MTBP: variants seen among roughly 807,000 people sequenced by gnomAD.
MTBP encodes the protein MDM2 binding protein.
In MTBP, 101 loss-of-function variants were observed where a neutral mutation model predicts 117.0. The ratio of observed to expected loss-of-function variants is 0.86; its 90% confidence interval spans 0.73 to 1.02. The LOEUF (loss-of-function observed/expected upper bound fraction) is 1.02. Among genes scored for constraint, MTBP ranks in the 50% least tolerant of loss-of-function variants. The pLI is 0.00. For missense variants in MTBP, 970 were observed against 1,030.9 expected (o/e 0.94, Z 0.81); for synonymous variants, 350 against 351.5 (o/e 1.00, Z 0.05).
At chr8:120,460,433 A>G (rs1813558875) in intron 8 of MTBP, among the ~76,000 whole-genome samples, 2 of 152,144 alleles carry the variant, frequency 1.3e-5, no homozygotes, top group Admixed American at 1.3e-4. Flanking sequence ...TTAATCATGT[A>G]TGGTGAAATT....
intron 8 of MTBP, 30 bp downstream of exon 8, chr8:120,459,379 AT>A: frequency 6.3e-7 from 1 of 1,575,560 alleles, no homozygotes; most frequent in Non-Finnish European, 8.6e-7. Context: ...TTGTGTGATC[AT>A]TCATGTGTAT....
At chr8:120,494,541 T>A (rs1253118440) in intron 13 of MTBP, among the ~76,000 whole-genome samples, 1 of 152,172 alleles carries the variant, frequency 6.6e-6, no homozygotes, top group Non-Finnish European at 1.5e-5. Flanking sequence ...CCTATACAAA[T>A]AATGTACGTA....
At chr8:120,462,101 T>G (rs1813592867) in intron 9 of MTBP, among the ~76,000 whole-genome samples, 1 of 152,150 alleles carries the variant, frequency 6.6e-6, no homozygotes, top group South Asian at 2.1e-4. Flanking sequence ...GAGAGCCTTT[T>G]CAGATTAATC....
Position 120,445,525 on chromosome 8 carries a change from G to T in MTBP, c.55G>T (p.Ala19Ser). The T allele has an allele frequency of 6.2e-7, 1 of 1,613,726 alleles. No individual in the cohort carries two copies. The highest frequency in any genetic ancestry group is 8.5e-7 in the Non-Finnish European group (1 of 1,179,832). Residue 19 changes from alanine to serine, a missense_variant, in exon 1 of 22, where the codon GCC becomes TCC. Physicochemically the swap from Ala to Ser is moderately conservative, Grantham distance 99. Coordinates refer to ENST00000305949, the MANE Select transcript of MTBP (RefSeq NM_022045.5). The part of the protein sequence containing the change: ...IWGEGKFPSA[A>S]SREAEHGPEV... ...GGGGGAAGGAAAATTCCCGTCGGCG[G>T]CCAGTAGGGAGGCAGAACATGGGCC...
At chr8:120,515,725 A>G (rs1240620048) in intron 17 of MTBP, among the ~76,000 whole-genome samples, 200 bp from the exon 18 acceptor site, 1 of 152,000 alleles carries the variant, frequency 6.6e-6, no homozygotes, top group Admixed American at 6.6e-5. Context: ...GACATTTTTT[A>G]ATCTTTTGCC....
chr8:120,506,665 G>C, intron 15 of MTBP, 41 bp from the exon 16 acceptor site: 1 of 1,330,920 alleles, frequency 7.5e-7, no homozygotes, highest in Non-Finnish European at 1.0e-6. Context: ...TCTCTGGATT[G>C]AATCCACTTT....
chr8:120,479,773 T>C (rs1205928887), intron 11 of MTBP, among the ~76,000 whole-genome samples: 2 of 151,948 alleles, frequency 1.3e-5, no homozygotes, highest in Non-Finnish European at 2.9e-5. Flanking sequence ...AAAAGGAAAT[T>C]ACAAAATAGT....
intron 9 of MTBP, among the ~76,000 whole-genome samples, chr8:120,462,051 G>T (rs1813591499): frequency 6.6e-6 from 1 of 152,056 alleles, no homozygotes; most frequent in African/African-American, 2.4e-5. Context: ...TGGTTTTTTG[G>T]CTTGGGGGTG....
At chr8:120,480,330 A>G (rs1314549636) in intron 11 of MTBP, among the ~76,000 whole-genome samples, 1 of 152,128 alleles carries the variant, frequency 6.6e-6, no homozygotes, top group Admixed American at 6.5e-5. Context: ...GAATCGTTTG[A>G]ACCTGGGAGG....
At position 120,470,907 on chromosome 8, in the gene MTBP, T is replaced by A. The variant is rs755751582; in HGVS notation, c.1135T>A (p.Tyr379Asn). Residue 379 changes from tyrosine to asparagine, a missense_variant, in exon 11 of 22, where the codon TAT (tyrosine) becomes AAT (asparagine). Tyr to Asn is a moderately radical substitution (Grantham distance 143). Coordinates refer to ENST00000305949, the MANE Select transcript of MTBP (RefSeq NM_022045.5). ...NQLSSRKWKE[Y>N]IAKKPKTISV... ...ACTCAGTTCAAGAAAATGGAAGGAA[T>A]ATATAGCTAAAAAGCCTAAAACAAT... The A allele has an allele frequency of 6.2e-7, 1 of 1,608,148 alleles. No individual in the cohort carries two copies. The highest frequency in any genetic ancestry group is 8.5e-7 in the Non-Finnish European group (1 of 1,175,230).
Position 120,455,554 on chromosome 8 carries a change from A to G in MTBP, c.604A>G (p.Thr202Ala). 1.2e-6 allele frequency: 2 copies of G among 1,609,494 alleles called. No homozygotes were observed. The highest frequency in any genetic ancestry group is 1.7e-6 in the Non-Finnish European group (2 of 1,178,596). Residue 202 changes from threonine (T) to alanine (A), a missense_variant, in exon 6 of 22, where the codon ACT (threonine) becomes GCT (alanine). By Grantham distance (58) the Thr-to-Ala change is moderately conservative (BLOSUM62 0). Coordinates refer to ENST00000305949, the MANE Select transcript of MTBP (RefSeq NM_022045.5). ...GAGAGAATGGTATTCAGCAAAGATCACTATAGCAGGAAATCATTGTGAAAT... is the reference window on the plus strand; with the variant it reads ...GAGAGAATGGTATTCAGCAAAGATCGCTATAGCAGGAAATCATTGTGAAAT... ...HLREWYSAKI[T>A]IAGNHCEINC...
chr8:120,451,050 G>A lies in MTBP; in HGVS notation c.247G>A (p.Val83Met). The change falls in exon 3 of 22, where the codon GTG becomes ATG. Residue 83 changes from valine (V) to methionine (M), a missense_variant. Val to Met is a conservative substitution (Grantham distance 21, BLOSUM62 1). Coordinates refer to ENST00000305949, the MANE Select transcript of MTBP (RefSeq NM_022045.5). ...IPGSKKWFFAVQAIYGFYQFC... is the reference protein window; with the variant it reads ...IPGSKKWFFAMQAIYGFYQFC... ...TGGTTCCAAGAAGTGGTTCTTTGCA[G>A]TGCAGGCAATATATGGATTTTATCA... 1 of 1,612,628 alleles carries A rather than the reference G, an allele frequency of 6.2e-7. No homozygotes were observed. Among genetic ancestry groups the A allele is most frequent in the Non-Finnish European group, 8.5e-7 (1 of 1,179,344 alleles).
intron 14 of MTBP, among the ~76,000 whole-genome samples, chr8:120,501,187 T>C (rs1170508812): frequency 1.4e-4 from 3 of 21,040 alleles, no homozygotes; most frequent in East Asian, 2.0e-3. Context: ...TGAAACTCCA[T>C]CTCAAAAAAA....
chr8:120,460,944 G>C (rs1239504396), intron 8 of MTBP, among the ~76,000 whole-genome samples: 1 of 152,016 alleles, frequency 6.6e-6, no homozygotes, highest in South Asian at 2.1e-4. Context: ...GCTCTTCCTG[G>C]TTACTAAGTG....
chr8:120,465,040 C>A (rs1360624034), intron 10 of MTBP, among the ~76,000 whole-genome samples: 2 of 152,188 alleles, frequency 1.3e-5, no homozygotes, highest in East Asian at 3.9e-4. Flanking sequence ...ATTAATAAGG[C>A]CATACATTTC....
intron 11 of MTBP, among the ~76,000 whole-genome samples, chr8:120,482,922 A>G (rs1212823652): frequency 6.6e-6 from 1 of 151,212 alleles, no homozygotes; most frequent in Non-Finnish European, 1.5e-5. Flanking sequence ...GATGGTCTTG[A>G]TCTCCTGACC....
At chr8:120,470,713 T>C in intron 10 of MTBP, 107 bp from the exon 11 acceptor site, 2 of 766,470 alleles carry the variant, frequency 2.6e-6, no homozygotes, top group Non-Finnish European at 4.2e-6. Flanking sequence ...AGGGCATTAC[T>C]AAATGCATGT....
At position 120,518,077 on chromosome 8, in the gene MTBP, T is replaced by C. The variant is rs749556128; in HGVS notation, c.2473T>C (p.Ser825Pro). Residue 825 changes from serine (S) to proline (P), a missense_variant, in exon 19 of 22, where the codon TCA (serine) becomes CCA (proline). Coordinates refer to ENST00000305949, the MANE Select transcript of MTBP (RefSeq NM_022045.5). Reference protein sequence around the residue: ...ESKTSRQIKESRSQKHTRILK... With the variant: ...ESKTSRQIKEPRSQKHTRILK... ...AAAAACATCAAGGCAAATTAAGGAATCAAGATCACAGAAACACACACGGGT... is the reference window on the plus strand; with the variant it reads ...AAAAACATCAAGGCAAATTAAGGAACCAAGATCACAGAAACACACACGGGT... 1 of 1,612,460 alleles carries C rather than the reference T, an allele frequency of 6.2e-7. No individual in the cohort carries two copies. Among genetic ancestry groups the C allele is most frequent in the Non-Finnish European group, 8.5e-7 (1 of 1,178,924 alleles).
At chr8:120,507,127 A>C (rs988155467) in intron 16 of MTBP, among the ~76,000 whole-genome samples, 1 of 152,128 alleles carries the variant, frequency 6.6e-6, no homozygotes, top group Non-Finnish European at 1.5e-5. Context: ...TCTATTTGGT[A>C]TGCAAAGGAC....
Sources: allele counts gnomAD v4.1 joint callset (sites outside exome capture counted in the v4.1 genomes callset), GRCh38; gene constraint gnomAD v4.1.1; transcripts MANE v1.5; gene names NCBI Gene and HGNC (gene_info 2026-07-23, HGNC 2026-07-21).